Variants in IRAG1 observed in about 807,000 individuals in gnomAD.
IRAG1 encodes the protein IP3R-associated cGMP kinase substrate.
In IRAG1, 62 loss-of-function variants were observed where a neutral mutation model predicts 106.2. That is an observed-to-expected ratio of 0.58 (90% confidence interval 0.48 to 0.72). The LOEUF (loss-of-function observed/expected upper bound fraction) is 0.72, where lower values mean the gene tolerates loss of function less well. IRAG1 is among the 30% of genes least tolerant of loss of function. The probability of loss-of-function intolerance (pLI) is 0.00; values close to 1 mark genes in which losing one functional copy is unlikely to be tolerated. For synonymous variants in IRAG1, 462 were observed against 443.9 expected, an observed-to-expected ratio of 1.04 and a Z score of -0.51; for missense variants, 1,064 against 1,140.7, an observed-to-expected ratio of 0.93 and a Z score of 0.97.
At position 10,626,134 on chromosome 11, in the gene IRAG1, T is replaced by C. The variant is rs776218476; in HGVS notation, c.1200A>G (p.Glu400=). ...CTTTCTGCAGCCGGGGGCCAGGTTC[T>C]TCAGGGCCACTGTCCCAGGAGAGCC... The part of the protein sequence containing the change: ...LRGLSWDSGP[E]EPGPRLQKVL... The change falls in exon 9 of 21, where the codon GAA becomes GAG. Residue 400 remains glutamate, a synonymous_variant. Transcript: ENST00000423302. The C allele has an allele frequency of 6.5e-7, 1 of 1,539,246 alleles. No individual in the cohort carries two copies. Among genetic ancestry groups the C allele is most frequent in the Non-Finnish European group, 8.8e-7 (1 of 1,142,380 alleles).
chr11:10,633,121 C>T (rs1342361773), intron 3 of IRAG1, among the ~76,000 whole-genome samples: 1 of 140,694 alleles, frequency 7.1e-6, no homozygotes, highest in Non-Finnish European at 1.5e-5. Context: ...GTCGCCCAGG[C>T]TGGAGTGCAG....
At chr11:10,601,099 G>A (rs147366723) in intron 14 of IRAG1, 40 bp from the exon 15 acceptor site, 3 of 1,610,428 alleles carry the variant, frequency 1.9e-6, no homozygotes, top group Non-Finnish European at 1.7e-6. Flanking sequence ...GGCCATTGGA[G>A]GAAAGGCTCC....
At chr11:10,692,091 A>G (rs1862100219) in intron 1 of IRAG1, among the ~76,000 whole-genome samples, 1 of 152,170 alleles carries the variant, frequency 6.6e-6, no homozygotes, top group Non-Finnish European at 1.5e-5. Context: ...GCACATGGTT[A>G]TCCCTCCAAG....
intron 1 of IRAG1, among the ~76,000 whole-genome samples, chr11:10,691,098 G>A (rs1862019799): frequency 6.6e-6 from 1 of 152,198 alleles, no homozygotes; most frequent in Non-Finnish European, 1.5e-5. Context: ...GGTGAGAGAG[G>A]TGGGTAACTT....
At chr11:10,651,926 C>T in intron 2 of IRAG1, 99 bp downstream of exon 2, 1 of 1,392,332 alleles carries the variant, frequency 7.2e-7, no homozygotes, top group Non-Finnish European at 9.5e-7. Flanking sequence ...CATGAGCTGT[C>T]AGCAAACCCT....
chr11:10,617,029 AC>A (rs1028055254), intron 10 of IRAG1: 3 of 949,634 alleles, frequency 3.2e-6, no homozygotes, highest in Non-Finnish European at 3.7e-6. Flanking sequence ...TTGGGGATAA[AC>A]TTTTTTTTAC....
chr11:10,651,988 C>T, intron 2 of IRAG1, 37 bp downstream of exon 2: 1 of 1,524,424 alleles, frequency 6.6e-7, no homozygotes. Context: ...GCTTGGCCCC[C>T]AGCCAGGCTA....
Position 10,600,913 on chromosome 11 carries a change from C to T in IRAG1, c.2017+5G>A. 2 of 1,614,028 alleles carry T rather than the reference C, an allele frequency of 1.2e-6. No individual in the cohort carries two copies. Among genetic ancestry groups the T allele is most frequent in the South Asian group, 1.1e-5 (1 of 91,082 alleles). On this transcript the variant is annotated splice_donor_5th_base_variant and intron_variant, in intron 15 of 20. Coordinates refer to ENST00000423302, the MANE Select transcript of IRAG1 (RefSeq NM_130385.4). ...CCAAGATGGGGCAGGAGCCTAGGTC[C>T]TTACCAGAGGGGCCACAGCTGCGGC...
Position 10,574,118 on chromosome 11 carries a change from C to T in IRAG1, c.*2214G>A, listed in dbSNP as rs1186207811. On this transcript the variant is annotated 3_prime_UTR_variant, in exon 21 of 21. Coordinates refer to ENST00000423302, the MANE Select transcript of IRAG1 (RefSeq NM_130385.4). ...GGGGCATGCTTGGGGTGGGGGGTCT[C>T]TCTGAAGGAGTGACTGCATTGAGCC... 1.3e-5 allele frequency: 2 copies of T among 152,560 alleles called. No homozygotes were observed. The highest frequency in any genetic ancestry group is 2.9e-5 in the Non-Finnish European group (2 of 68,322). 9.5% of individuals were successfully genotyped at this position (152,560 alleles called of 1,614,324 possible). A position where few individuals can be genotyped will look rare whatever the true frequency, so the allele number is the denominator to read the frequency against.
At chr11:10,578,148 A>C (rs1161893947) in intron 20 of IRAG1, among the ~76,000 whole-genome samples, 1 of 152,228 alleles carries the variant, frequency 6.6e-6, no homozygotes, top group Non-Finnish European at 1.5e-5. Flanking sequence ...TGCCTGGCCT[A>C]TAAAAGAGTT....
chr11:10,692,686 G>A (rs1241289205), intron 1 of IRAG1, among the ~76,000 whole-genome samples: 1 of 152,190 alleles, frequency 6.6e-6, no homozygotes, highest in Non-Finnish European at 1.5e-5. Flanking sequence ...AGCAGCTGCC[G>A]AGCTCTGGGA....
intron 17 of IRAG1, chr11:10,593,110 T>C (rs1852864731): frequency 6.4e-6 from 1 of 156,890 alleles, no homozygotes; most frequent in Non-Finnish European, 1.4e-5. Context: ...ACTCAGGCTG[T>C]GGAATCAGAG....
At position 10,581,948 on chromosome 11, in the gene IRAG1, G is replaced by A; in HGVS notation, c.2279C>T (p.Ala760Val). 6.2e-7 allele frequency: 1 copy of A among 1,613,856 alleles called. No homozygotes were observed. The highest frequency in any genetic ancestry group is 8.5e-7 in the Non-Finnish European group (1 of 1,179,800). ...TNGDPDCEAS[A>V]PALTLSCLEE... ...CAGGCAGCTCAGGGTCAGCGCAGGAGCAGAGGCTTCACAATCTGGGTCCCC... is the reference window on the plus strand; with the variant it reads ...CAGGCAGCTCAGGGTCAGCGCAGGAACAGAGGCTTCACAATCTGGGTCCCC... Residue 760 changes from alanine (A) to valine (V), a missense_variant, in exon 19 of 21, where the codon GCT becomes GTT. Transcript: ENST00000423302.
rs1313001164 is a variant in IRAG1, at chr11:10,626,517, C to G, written c.817G>C (p.Ala273Pro). Reference protein sequence around the residue: ...DQRKVSQGRLAPRPPPVEKSK... With the variant: ...DQRKVSQGRLPPRPPPVEKSK... ...TTCTCAACTGGAGGAGGACGAGGAG[C>G]CAGCCTGCCCTGAGACACTTTCCTC... Residue 273 changes from alanine (A) to proline (P), a missense_variant, in exon 9 of 21, where the codon GCT becomes CCT. Ala to Pro is a conservative substitution (Grantham distance 27). Coordinates refer to ENST00000423302, the MANE Select transcript of IRAG1 (RefSeq NM_130385.4). 4 of 1,613,306 alleles carry G rather than the reference C, an allele frequency of 2.5e-6. No homozygotes were observed. In the South Asian group the frequency reaches 4.4e-5, roughly 18 times the overall value.
At chr11:10,646,744 T>G (rs116312561) in intron 2 of IRAG1, among the ~76,000 whole-genome samples, 2,959 of 152,210 alleles carry the variant, frequency 0.019, 113 homozygotes, top group African/African-American at 0.067. Flanking sequence ...GCCTAGAGCA[T>G]CAACGAATGA....
At chr11:10,601,861 G>C (rs1438707615) in intron 14 of IRAG1, among the ~76,000 whole-genome samples, 1 of 152,224 alleles carries the variant, frequency 6.6e-6, no homozygotes, top group Non-Finnish European at 1.5e-5. Flanking sequence ...GGCAAAGACT[G>C]AGACATAGCA....
intron 20 of IRAG1, among the ~76,000 whole-genome samples, chr11:10,577,954 C>A (rs1342930775): frequency 6.6e-6 from 1 of 152,124 alleles, no homozygotes; most frequent in African/African-American, 2.4e-5. Context: ...TTCTCTCAGC[C>A]CTTTGTAGAT....
At position 10,628,722 on chromosome 11, in the gene IRAG1, C is replaced by A; in HGVS notation, c.652+29G>T. 1 of 1,499,392 alleles carries A rather than the reference C, an allele frequency of 6.7e-7. No homozygotes were observed. Among genetic ancestry groups the A allele is most frequent in the Non-Finnish European group, 8.9e-7 (1 of 1,126,042 alleles). 92.9% of individuals were successfully genotyped at this position (1,499,392 alleles called of 1,614,324 possible). A position where few individuals can be genotyped will look rare whatever the true frequency, so the allele number is the denominator to read the frequency against. On this transcript the variant is annotated intron_variant, in intron 6 of 20. Transcript: ENST00000423302. The surrounding 1 kb of genome is among the most constrained non-coding windows in gnomAD (Gnocchi z 4.1). ...CTGCCACCCAGAGCGAGAGGCAGGG[C>A]AGGAAGTCCCCGGGCAGCTGGGCCT...
chr11:10,620,560 C>T (rs1343804433), intron 10 of IRAG1, among the ~76,000 whole-genome samples: 1 of 152,116 alleles, frequency 6.6e-6, no homozygotes, highest in Non-Finnish European at 1.5e-5. Flanking sequence ...TAAGTTTGAG[C>T]TTCCTAGCAA....
Sources: gnomAD v4.1 joint callset for allele counts (sites outside exome capture counted in the v4.1 genomes callset) on GRCh38, gnomAD v4.1.1 for gene constraint, Gnocchi (gnomAD v3.1) non-coding constraint, MANE v1.5 for transcripts, NCBI Gene and HGNC (gene_info 2026-07-23, HGNC 2026-07-21) for gene names.